The following RNF170 variants were observed in gnomAD, a reference collection of about 807,000 sequenced individuals.
RNF170 encodes E3 ubiquitin-protein ligase RNF170.
Under a neutral mutation model 32.7 loss-of-function variants are expected in RNF170, and 12 were observed. The observed-to-expected ratio is 0.37, with a 90% confidence interval of 0.24 to 0.60. The LOEUF is 0.60. Among genes scored for constraint, RNF170 ranks in the 20% least tolerant of loss-of-function variants. The pLI is 0.72. For missense variants in RNF170, 212 were observed against 311.2 expected (o/e 0.68, Z 2.40); for synonymous variants, 91 against 103.6 (o/e 0.88, Z 0.74).
At chr8:42,894,790 G>A (rs566335638) in intron 1 of RNF170, among the ~76,000 whole-genome samples, 5 of 152,124 alleles carry the variant, frequency 3.3e-5, no homozygotes, top group South Asian at 2.1e-4. Context: ...TCTTGACATC[G>A]TGATCCGCTC....
Position 42,880,567 on chromosome 8 carries a change from C to T in RNF170, c.138-6561G>A, listed in dbSNP as rs1805312597. Among the ~76,000 whole-genome samples the T allele has an allele frequency of 2.0e-5, 3 of 152,172 alleles. No individual in the cohort carries two copies. The South Asian group carries it at 6.2e-4, about 32-fold the overall frequency. On this transcript the variant is annotated intron_variant, in intron 2 of 6. Transcript: ENST00000527424. ...CGGGCGGATCATGAGGTCAGGAGTT[C>T]AAGACAAGCCTGACCAACATGGTGA...
At chr8:42,891,209 A>T (rs1806274399) in intron 1 of RNF170, among the ~76,000 whole-genome samples, 1 of 152,190 alleles carries the variant, frequency 6.6e-6, no homozygotes, top group Non-Finnish European at 1.5e-5. Context: ...AGTAAATAAA[A>T]TTCAAACGTT....
At position 42,870,552 on chromosome 8, in the gene RNF170, C is replaced by A. The variant is rs186279695; in HGVS notation, c.214-440G>T. Among the ~76,000 whole-genome samples, 105 of 152,022 alleles carry A rather than the reference C, an allele frequency of 6.9e-4. 1 individual carries two copies. Among genetic ancestry groups the A allele is most frequent in the African/African-American group, 2.5e-3 (102 of 41,464 alleles). On this transcript the variant is annotated intron_variant, in intron 3 of 6. Coordinates refer to ENST00000527424, the MANE Select transcript of RNF170 (RefSeq NM_030954.4). Reference sequence around the variant, plus strand: ...GACGAGCCTGGGCAACATGGCAAAACCCCATCTCTACAAAAAATAGAAAAA... The same window carrying A: ...GACGAGCCTGGGCAACATGGCAAAAACCCATCTCTACAAAAAATAGAAAAA...
In RNF170 at chr8:42,855,725, T is replaced by C. The variant is rs868224410; in HGVS notation, c.*434A>G. 2.2e-5 allele frequency: 28 copies of C among 1,257,968 alleles called. No individual in the cohort carries two copies. In the African/African-American group the frequency reaches 4.3e-4, roughly 19 times the overall value. The allele number at this position is 1,257,968 out of a possible 1,614,324, so 77.9% of individuals were successfully genotyped here. ...TTCCCCAATAGTATATAATATTTTA[T>C]TGGAACAAAAATATTTAGATGAGTT... On this transcript the variant is annotated 3_prime_UTR_variant, in exon 7 of 7. Transcript: ENST00000527424.
intron 6 of RNF170, among the ~76,000 whole-genome samples, chr8:42,860,515 C>A (rs536973479): frequency 6.6e-6 from 1 of 151,624 alleles, no homozygotes. Flanking sequence ...CTCTGCCTCC[C>A]GGGTTCAAGT....
intron 2 of RNF170, among the ~76,000 whole-genome samples, chr8:42,887,479 G>A (rs1030853542): frequency 2.0e-5 from 3 of 152,026 alleles, no homozygotes; most frequent in South Asian, 2.1e-4. Context: ...ATTGCCATAC[G>A]CCAATAGAAA....
rs183587032 is a variant in RNF170, at chr8:42,877,005, G to A, written c.138-2999C>T. On this transcript the variant is annotated intron_variant, in intron 2 of 6. Transcript: ENST00000527424. ...GTCTTGTTCTGTCGTCCAGGCTGGG[G>A]TGCAGTGGCGCCATCTCAGCTCACT... Among the ~76,000 whole-genome samples, 683 of 148,570 alleles carry A rather than the reference G, an allele frequency of 4.6e-3. 11 individuals are homozygous for A. Among genetic ancestry groups the A allele is most frequent in the African/African-American group, 0.016 (653 of 40,164 alleles).
rs1401620080 is a variant in RNF170 at position 42,861,869 on chromosome 8, A to G, written c.397-14T>C. 3.2e-6 allele frequency: 5 copies of G among 1,579,482 alleles called. No individual in the cohort carries two copies. Among genetic ancestry groups the G allele is most frequent in the Non-Finnish European group, 4.3e-6 (5 of 1,162,172 alleles). The stretch of plus-strand genomic sequence containing the variant: ...GAGTAAGGTTACCTGTATATTACAG[A>G]AAAAAAAATTATTTCAACTTTCTGC... On this transcript the variant is annotated splice_polypyrimidine_tract_variant and intron_variant, in intron 5 of 6. Coordinates refer to ENST00000527424, the MANE Select transcript of RNF170 (RefSeq NM_030954.4).
At chr8:42,866,115 C>T (rs1804060638) in intron 4 of RNF170, among the ~76,000 whole-genome samples, 1 of 152,136 alleles carries the variant, frequency 6.6e-6, no homozygotes, top group Non-Finnish European at 1.5e-5. Flanking sequence ...AATAATTAAA[C>T]ATCATTGTAA....
intron 3 of RNF170, among the ~76,000 whole-genome samples, chr8:42,871,325 A>G: frequency 6.6e-6 from 1 of 152,212 alleles, no homozygotes; most frequent in East Asian, 1.9e-4. Context: ...AAAATATCTA[A>G]TTACAGAAAA....
intron 6 of RNF170, among the ~76,000 whole-genome samples, chr8:42,860,074 C>T (rs1037418178): frequency 6.6e-6 from 1 of 152,162 alleles, no homozygotes; most frequent in African/African-American, 2.4e-5. Context: ...GAGAAAAGAA[C>T]AGACTATGTC....
upstream of RNF170, chr8:42,897,056 G>C (rs1377312810): frequency 1.8e-6 from 2 of 1,125,110 alleles, no homozygotes; most frequent in Non-Finnish European, 2.3e-6. Context: ...TCAGCTGCGC[G>C]GGCCCCCGGA....
intron 3 of RNF170, among the ~76,000 whole-genome samples, chr8:42,872,465 G>A (rs1056212806): frequency 7.2e-5 from 11 of 152,010 alleles, no homozygotes; most frequent in Non-Finnish European, 1.3e-4. Context: ...TTTTTTAGAC[G>A]GAGTCTCACT....
rs761345107 is a variant in RNF170, at chr8:42,876,954, C to CTT, written c.138-2950_138-2949dup. On this transcript the variant is annotated intron_variant, in intron 2 of 6. Transcript: ENST00000527424. ...ACAGGCGTGAGCCACTGTGCCCGGACTTTTTTTTTTTTTTTTTGAGACAGA... is the reference window on the plus strand; with the variant it reads ...ACAGGCGTGAGCCACTGTGCCCGGACTTTTTTTTTTTTTTTTTTTGAGACAGA... Among the ~76,000 whole-genome samples, 135 of 124,830 alleles carry CTT rather than the reference C, an allele frequency of 1.1e-3. 1 individual carries two copies. The highest frequency in any genetic ancestry group is 3.9e-3 in the African/African-American group (132 of 33,804). 81.9% of individuals were successfully genotyped at this position (124,830 alleles called of 152,430 possible). A position where few individuals can be genotyped will look rare whatever the true frequency, so the allele number is the denominator to read the frequency against.
chr8:42,855,713 TATA>T lies in RNF170; in HGVS notation c.*443_*445del. 7.9e-7 allele frequency: 1 copy of T among 1,264,658 alleles called. No homozygotes were observed. The allele number at this position is 1,264,658 out of a possible 1,614,324, so 78.3% of individuals were successfully genotyped here. A position where few individuals can be genotyped will look rare whatever the true frequency, so the allele number is the denominator to read the frequency against. Reference sequence around the variant, plus strand: ...AAATACTGAATTTTCCCCAATAGTATATAATATTTTATTGGAACAAAAATATTT... The same window carrying T: ...AAATACTGAATTTTCCCCAATAGTATATATTTTATTGGAACAAAAATATTT... On this transcript the variant is annotated 3_prime_UTR_variant, in exon 7 of 7. Coordinates refer to ENST00000527424, the MANE Select transcript of RNF170 (RefSeq NM_030954.4).
chr8:42,882,979 T>G (rs1371787250), intron 2 of RNF170, among the ~76,000 whole-genome samples: 1 of 151,700 alleles, frequency 6.6e-6, no homozygotes, highest in Non-Finnish European at 1.5e-5. Flanking sequence ...GAGAGGATCA[T>G]TTGAGCCTGG....
chr8:42,882,164 G>A (rs866765557), intron 2 of RNF170, among the ~76,000 whole-genome samples: 25 of 152,118 alleles, frequency 1.6e-4, no homozygotes, highest in African/African-American at 6.0e-4. Flanking sequence ...ATAAAGCAGG[G>A]CAGCTGCTGT....
chr8:42,856,144 G>A lies in RNF170; in HGVS notation c.*15C>T, dbSNP rs199722335. The A allele has an allele frequency of 8.1e-4, 1,306 of 1,611,624 alleles. 1 individual carries two copies. The highest frequency in any genetic ancestry group is 1.1e-3 in the Non-Finnish European group (1,266 of 1,179,562). ...TAGCTCAGATATCCTAGTAAACTCAGTTTTGTTTTCTTTTTCATCTAGTTA... is the reference window on the plus strand; with the variant it reads ...TAGCTCAGATATCCTAGTAAACTCAATTTTGTTTTCTTTTTCATCTAGTTA... On this transcript the variant is annotated 3_prime_UTR_variant, in exon 7 of 7. Transcript: ENST00000527424.
At chr8:42,873,659 TAGAC>T (rs1489607827) in intron 3 of RNF170, among the ~76,000 whole-genome samples, 3 of 152,328 alleles carry the variant, frequency 2.0e-5, no homozygotes, top group African/African-American at 4.8e-5. Context: ...TAAGGTCAAT[TAGAC>T]AGCAATTATT....
Sources: gnomAD v4.1 joint callset for allele counts (sites outside exome capture counted in the v4.1 genomes callset) on GRCh38, gnomAD v4.1.1 for gene constraint, MANE v1.5 for transcripts, NCBI Gene and HGNC (gene_info 2026-07-23, HGNC 2026-07-21) for gene names.